The following DOCK10 variants were observed in gnomAD, a reference collection of about 807,000 sequenced individuals.
DOCK10 encodes the protein dedicator of cytokinesis protein 10.
A neutral mutation model predicts 280.1 loss-of-function variants in DOCK10; 145 were observed. The observed-to-expected ratio is 0.52, with a 90% CI of 0.45 to 0.59. DOCK10 has a LOEUF of 0.59. Ranked by LOEUF, DOCK10 falls within the 20% of genes least tolerant of loss-of-function variation. The pLI is 0.00. For synonymous variants in DOCK10, 915 were observed against 942.2 expected (o/e 0.97, Z 0.53); for missense variants, 2,368 against 2,651.7 (o/e 0.89, Z 2.35).
intron 14 of DOCK10, 45 bp from the exon 15 acceptor site, chr2:224,857,027 T>A (rs763099940): frequency 1.0e-5 from 15 of 1,499,750 alleles, no homozygotes; most frequent in Non-Finnish European, 1.3e-5. Context: ...ATATTGTTTA[T>A]AAAGTTGTGT....
intron 50 of DOCK10, among the ~76,000 whole-genome samples, chr2:224,780,527 C>T (rs1373791443): frequency 3.9e-5 from 6 of 152,158 alleles, no homozygotes; most frequent in Admixed American, 1.3e-4. Context: ...TACAAAGACA[C>T]ATTTTCACTG....
Position 224,805,044 on chromosome 2 carries a change from AC to A in DOCK10, c.4118+13del. The A allele has an allele frequency of 1.9e-6, 3 of 1,595,880 alleles. No individual in the cohort carries two copies. Among genetic ancestry groups the A allele is most frequent in the Non-Finnish European group, 2.6e-6 (3 of 1,172,294 alleles). On this transcript the variant is annotated intron_variant, in intron 37 of 55. Coordinates refer to ENST00000258390, the MANE Select transcript of DOCK10 (RefSeq NM_014689.3). The surrounding 1 kb of genome is among the most constrained non-coding windows in gnomAD (Gnocchi z 4.3). ...TCCAGAAAAAAGTGTTAAGTCATCA[AC>A]TCTAAAACTTACTCCAAGATGCTGA...
intron 1 of DOCK10, among the ~76,000 whole-genome samples, chr2:224,971,546 A>G (rs530815656): frequency 6.6e-6 from 1 of 152,328 alleles, no homozygotes; most frequent in African/African-American, 2.4e-5. Context: ...GCTACACCTC[A>G]TAGTTCAATG....
At chr2:224,821,533 C>A (rs923641542) in intron 28 of DOCK10, among the ~76,000 whole-genome samples, 1 of 151,760 alleles carries the variant, frequency 6.6e-6, no homozygotes, top group Non-Finnish European at 1.5e-5. Flanking sequence ...TCTTTTTTTT[C>A]TCTCCTAGCT....
chr2:224,919,641 G>C (rs1334066804), intron 2 of DOCK10, among the ~76,000 whole-genome samples: 1 of 146,804 alleles, frequency 6.8e-6, no homozygotes, highest in Non-Finnish European at 1.5e-5. Flanking sequence ...TGTGTGGTGA[G>C]TGTTGTGTGT....
chr2:224,773,258 C>G lies in DOCK10; in HGVS notation c.6103G>C (p.Glu2035Gln). 1 of 1,613,958 alleles carries G rather than the reference C, an allele frequency of 6.2e-7. No individual in the cohort carries two copies. Among genetic ancestry groups the G allele is most frequent in the East Asian group, 2.2e-5 (1 of 44,886 alleles). ...AGCTCAGAAACCTTCTTGGACATCTCGTCAATTGCCACTTCAATTGGATTC... is the reference window on the plus strand; with the variant it reads ...AGCTCAGAAACCTTCTTGGACATCTGGTCAATTGCCACTTCAATTGGATTC... The part of the protein sequence containing the change: ...ELNPIEVAID[E>Q]MSKKVSELNQ... The change falls in exon 53 of 56, where the codon GAG becomes CAG. Residue 2035 changes from glutamate (E) to glutamine (Q), a missense_variant. Around this residue, in one of 2 missense-constraint regions of DOCK10, gnomAD observed 1,159 missense variants for 1,400.8 expected, o/e 0.83. Coordinates refer to ENST00000258390, the MANE Select transcript of DOCK10 (RefSeq NM_014689.3).
At chr2:224,916,032 TG>T (rs1334734004) in intron 3 of DOCK10, among the ~76,000 whole-genome samples, 1 of 152,140 alleles carries the variant, frequency 6.6e-6, no homozygotes, top group African/African-American at 2.4e-5. Context: ...ATCATGGGGG[TG>T]GATCCCTCAT....
intron 1 of DOCK10, among the ~76,000 whole-genome samples, chr2:224,943,761 C>CTTTTTTTTTTTT (rs67538456): frequency 9.3e-6 from 1 of 107,414 alleles, no homozygotes; most frequent in Admixed American, 1.0e-4. Flanking sequence ...TTTTTCTTTT[C>CTTTTTTTTTTTT]TTTTTTTTTT....
Position 224,770,475 on chromosome 2 carries a change from T to C in DOCK10, c.6305+70A>G, listed in dbSNP as rs1690363693. 8 of 1,576,416 alleles carry C rather than the reference T, an allele frequency of 5.1e-6. No homozygotes were observed. Among genetic ancestry groups the C allele is most frequent in the Non-Finnish European group, 7.0e-6 (8 of 1,149,924 alleles). ...CCTCAGTGAGTTTTGGTGTGATGGA[T>C]TCTTGGGGGATTGAGGACTCCCTGT... On this transcript the variant is annotated intron_variant, in intron 54 of 55. Transcript: ENST00000258390. This position sits in a 1 kb window ranked among gnomAD's most constrained non-coding sequence, Gnocchi z 4.5.
intron 1 of DOCK10, among the ~76,000 whole-genome samples, chr2:225,033,741 TAA>T (rs1352983426): frequency 6.6e-6 from 1 of 151,626 alleles, no homozygotes; most frequent in Non-Finnish European, 1.5e-5. Context: ...GGGAGAAAAA[TAA>T]AGAACCATCA....
At chr2:224,975,399 G>C (rs1289155889) in intron 1 of DOCK10, among the ~76,000 whole-genome samples, 1 of 152,104 alleles carries the variant, frequency 6.6e-6, no homozygotes, top group African/African-American at 2.4e-5. Flanking sequence ...CCATGACACA[G>C]GCTTTCTTTC....
chr2:225,035,545 TATATATATATATA>T (rs1559985953), intron 1 of DOCK10, among the ~76,000 whole-genome samples: 2 of 11,512 alleles, frequency 1.7e-4, no homozygotes, highest in African/African-American at 6.2e-4. Context: ...ATATATATTA[TATATATATATATA>T]TATATATATA....
chr2:224,838,089 T>C (rs1695710752), intron 24 of DOCK10, among the ~76,000 whole-genome samples: 1 of 152,238 alleles, frequency 6.6e-6, no homozygotes, highest in Admixed American at 6.5e-5. Flanking sequence ...GTAAGTAGTG[T>C]TGTAATATCA....
intron 2 of DOCK10, among the ~76,000 whole-genome samples, chr2:224,920,873 A>G (rs1701664449): frequency 1.3e-5 from 2 of 151,210 alleles, no homozygotes; most frequent in Admixed American, 1.3e-4. Flanking sequence ...AATTGGCTCC[A>G]TCATATTTTG....
intron 1 of DOCK10, among the ~76,000 whole-genome samples, chr2:224,983,014 T>C (rs1205748737): frequency 2.0e-5 from 3 of 152,166 alleles, no homozygotes; most frequent in Admixed American, 2.0e-4. Flanking sequence ...TGATTTCCTC[T>C]CAATAGTATG....
chr2:224,976,390 T>C (rs1196363372), intron 1 of DOCK10, among the ~76,000 whole-genome samples: 1 of 152,112 alleles, frequency 6.6e-6, no homozygotes, highest in East Asian at 1.9e-4. Context: ...ATCCCAGAAC[T>C]TAAAGTAAAA....
intron 3 of DOCK10, among the ~76,000 whole-genome samples, chr2:224,904,355 A>T (rs1042605278): frequency 1.3e-5 from 2 of 152,228 alleles, no homozygotes; most frequent in Non-Finnish European, 2.9e-5. Context: ...AAACCAAAAT[A>T]AAAATAAAAC....
chr2:224,907,426 G>A (rs541144652), intron 3 of DOCK10, among the ~76,000 whole-genome samples: 48 of 152,272 alleles, frequency 3.2e-4, no homozygotes, highest in African/African-American at 1.1e-3. Context: ...GGTGGCTCAC[G>A]CCTGTAATCT....
intron 1 of DOCK10, among the ~76,000 whole-genome samples, chr2:225,020,973 T>C (rs1689769618): frequency 6.6e-6 from 1 of 152,230 alleles, no homozygotes. Flanking sequence ...AGCATTTGGT[T>C]TCAGGAGCTA....
Sources: allele counts gnomAD v4.1 joint callset (sites outside exome capture counted in the v4.1 genomes callset), GRCh38; gene constraint gnomAD v4.1.1; regional missense constraint gnomAD v4.1.1; non-coding constraint Gnocchi (gnomAD v3.1); transcripts MANE v1.5; gene names NCBI Gene and HGNC (gene_info 2026-07-23, HGNC 2026-07-21).